NSD1: variants seen among roughly 807,000 people sequenced by gnomAD.
The protein encoded by NSD1 is nuclear receptor binding SET domain protein 1.
NSD1 carries 26 observed loss-of-function variants against 242.7 expected under a neutral mutation model. That is an observed-to-expected ratio of 0.11 (90% CI 0.08 to 0.15). NSD1 has a LOEUF of 0.15. Among genes scored for constraint, NSD1 ranks in the 10% least tolerant of loss-of-function variants. The probability of loss-of-function intolerance (pLI) is 1.00; values close to 1 mark genes in which losing one functional copy is unlikely to be tolerated. For missense variants in NSD1, 2,495 were observed against 3,272.8 expected, an observed-to-expected ratio of 0.76 and a Z score of 5.80; for synonymous variants, 1,106 against 1,178.1, an observed-to-expected ratio of 0.94 and a Z score of 1.25.
chr5:177,146,568 T>A (rs1757264289), intron 2 of NSD1, among the ~76,000 whole-genome samples: 1 of 152,208 alleles, frequency 6.6e-6, no homozygotes, highest in Non-Finnish European at 1.5e-5. Flanking sequence ...TTAAATTTTA[T>A]CTTTTTCCTT....
At chr5:177,156,174 ATT>A (rs34417228) in intron 2 of NSD1, among the ~76,000 whole-genome samples, 36 of 77,998 alleles carry the variant, frequency 4.6e-4, no homozygotes, top group East Asian at 8.7e-4. Flanking sequence ...CTCTTTTCAG[ATT>A]TTTTTTTTTT....
chr5:177,144,821 T>C (rs903161242), intron 2 of NSD1, among the ~76,000 whole-genome samples: 12 of 152,060 alleles, frequency 7.9e-5, no homozygotes, highest in African/African-American at 2.9e-4. Context: ...GTGGTTCACA[T>C]CTATAATCCC....
rs1368303712 is a variant in NSD1, at chr5:177,296,335, GCTTCT to G, written c.*880_*884del. 1 of 233,406 alleles carries G rather than the reference GCTTCT, an allele frequency of 4.3e-6. No homozygotes were observed. Among genetic ancestry groups the G allele is most frequent in the Non-Finnish European group, 8.5e-6 (1 of 118,232 alleles). 14.5% of individuals were successfully genotyped at this position (233,406 alleles called of 1,614,324 possible). On this transcript the variant is annotated 3_prime_UTR_variant, in exon 23 of 23. Coordinates refer to ENST00000439151, the MANE Select transcript of NSD1 (RefSeq NM_022455.5). ...AGCAGTGGAAGAAGGCATTTGGCAA[GCTTCT>G]CTTTCTTTGCTTTTGTTTCTACCTA...
chr5:177,196,180 T>C (rs1762090670), intron 3 of NSD1, among the ~76,000 whole-genome samples: 1 of 152,174 alleles, frequency 6.6e-6, no homozygotes, highest in Admixed American at 6.6e-5. Context: ...TGGCACAGTA[T>C]GAGGCTGGGA....
At chr5:177,225,091 T>G (rs563247070) in intron 5 of NSD1, among the ~76,000 whole-genome samples, 1 of 152,302 alleles carries the variant, frequency 6.6e-6, no homozygotes, top group African/African-American at 2.4e-5. Flanking sequence ...GATATTGGTC[T>G]ACAGTTTTCC....
At chr5:177,262,499 C>T (rs1757071291) in intron 14 of NSD1, among the ~76,000 whole-genome samples, 1 of 152,066 alleles carries the variant, frequency 6.6e-6, no homozygotes, top group Non-Finnish European at 1.5e-5. Context: ...AAAATAAATC[C>T]CAGGAGGCCC....
At position 177,282,552 on chromosome 5, in the gene NSD1, A is replaced by C; in HGVS notation, c.5980A>C (p.Thr1994Pro). ...RIRYAQEHDI[T>P]NFYMLTLDKD... ...TCGCTATGCTCAAGAACATGATATC[A>C]CTAATTTCTATATGCTCACCCTAGA... is the stretch of plus-strand genomic sequence containing the variant. The change falls in exon 19 of 23, where the codon ACT becomes CCT. Residue 1994 changes from threonine (T) to proline (P), a missense_variant. Coordinates refer to ENST00000439151, the MANE Select transcript of NSD1 (RefSeq NM_022455.5). 3 of 1,611,604 alleles carry C rather than the reference A, an allele frequency of 1.9e-6. No homozygotes were observed. The highest frequency in any genetic ancestry group is 2.5e-6 in the Non-Finnish European group (3 of 1,177,688).
intron 5 of NSD1, among the ~76,000 whole-genome samples, chr5:177,213,813 A>G (rs1195107250): frequency 1.3e-5 from 2 of 152,152 alleles, no homozygotes; most frequent in African/African-American, 2.4e-5. Context: ...TCTATTGTGT[A>G]CATTTCATAG....
intron 5 of NSD1, among the ~76,000 whole-genome samples, chr5:177,229,094 C>G (rs956081182): frequency 6.6e-6 from 1 of 151,684 alleles, no homozygotes; most frequent in African/African-American, 2.4e-5. Flanking sequence ...AAAAAAAAAA[C>G]TTACCATCTG....
Position 177,135,775 on chromosome 5 carries a change from G to A in NSD1, c.672G>A (p.Ser224=), listed in dbSNP as rs1320622588. 11 of 1,612,798 alleles carry A rather than the reference G, an allele frequency of 6.8e-6. No homozygotes were observed. The highest frequency in any genetic ancestry group is 9.3e-6 in the Non-Finnish European group (11 of 1,178,880). The change falls in exon 2 of 23, where the codon TCG becomes TCA. Residue 224 remains serine, a synonymous_variant. Coordinates refer to ENST00000439151, the MANE Select transcript of NSD1 (RefSeq NM_022455.5). ...TPESRHGAVK[S]PFLPLAPQTE... is the part of the protein sequence containing the mutation. Reference sequence around the variant, plus strand: ...AGAGTAGACACGGTGCAGTCAAATCGCCATTCTTGCCATTAGCTCCTCAGA... The same window carrying A: ...AGAGTAGACACGGTGCAGTCAAATCACCATTCTTGCCATTAGCTCCTCAGA...
At chr5:177,183,468 G>T (rs1044381706) in intron 2 of NSD1, among the ~76,000 whole-genome samples, 1 of 151,958 alleles carries the variant, frequency 6.6e-6, no homozygotes, top group African/African-American at 2.4e-5. Flanking sequence ...GCATCATATG[G>T]TCATTCTGTG....
At chr5:177,276,291 G>A (rs1758373692) in intron 17 of NSD1, among the ~76,000 whole-genome samples, 1 of 151,782 alleles carries the variant, frequency 6.6e-6, no homozygotes, top group African/African-American at 2.4e-5. Context: ...CCTCTAAAAA[G>A]GGATAAAAGT....
intron 2 of NSD1, chr5:177,136,247 C>G (rs548526422): frequency 2.0e-6 from 1 of 506,974 alleles, no homozygotes; most frequent in African/African-American, 1.9e-5. Flanking sequence ...AATAACTCTT[C>G]ATTGAGAGTA....
chr5:177,146,319 C>G (rs1757241914), intron 2 of NSD1, among the ~76,000 whole-genome samples: 1 of 151,134 alleles, frequency 6.6e-6, no homozygotes, highest in African/African-American at 2.4e-5. Flanking sequence ...AATTCTCCTG[C>G]CTCAGCCTCC....
intron 2 of NSD1, among the ~76,000 whole-genome samples, chr5:177,138,490 A>T (rs552781816): frequency 6.6e-6 from 1 of 152,256 alleles, no homozygotes; most frequent in South Asian, 2.1e-4. Context: ...TCCTGACCTC[A>T]GGTGATCCGC....
intron 2 of NSD1, among the ~76,000 whole-genome samples, chr5:177,144,742 A>G (rs943077343): frequency 1.5e-4 from 23 of 152,278 alleles, no homozygotes; most frequent in South Asian, 8.3e-4. Context: ...AATAATCTCA[A>G]TTGTAGCCTT....
In NSD1 at chr5:177,204,229, A is replaced by G. The variant is rs146581653; in HGVS notation, c.1173A>G (p.Gln391=). ...TCGTCATGTTTGAAGGCAGACATCA[A>G]TTCGAAGAGCTACCTGTCCTTAGGA... ...KAIVMFEGRH[Q]FEELPVLRRR... is the part of the protein sequence containing the mutation. Residue 391 remains glutamine (Q), a synonymous_variant, in exon 4 of 23, where the codon CAA becomes CAG. Coordinates refer to ENST00000439151, the MANE Select transcript of NSD1 (RefSeq NM_022455.5). 7.4e-6 allele frequency: 12 copies of G among 1,614,104 alleles called. No homozygotes were observed. Among genetic ancestry groups the G allele is most frequent in the African/African-American group, 5.3e-5 (4 of 74,942 alleles).
intron 2 of NSD1, among the ~76,000 whole-genome samples, chr5:177,141,609 T>C (rs1756831674): frequency 6.6e-6 from 1 of 151,680 alleles, no homozygotes; most frequent in Non-Finnish European, 1.5e-5. Context: ...GAATTACAGG[T>C]GTGAGCCACC....
At position 177,212,009 on chromosome 5, in the gene NSD1, C is replaced by A. The variant is rs1468315814; in HGVS notation, c.3610C>A (p.Pro1204Thr). The A allele has an allele frequency of 1.9e-6, 3 of 1,614,002 alleles. No individual in the cohort carries two copies. The African/African-American group carries it at 4.0e-5, about 22-fold the overall frequency. The part of the protein sequence containing the change: ...DPVQEGRDEF[P>T]EHRTPSASIL... ...TGTGCAGGAGGGGCGGGATGAGTTT[C>A]CAGAGCATAGAACTCCTTCAGCAAG... The change falls in exon 5 of 23, where the codon CCA (proline) becomes ACA (threonine). Residue 1204 changes from proline to threonine, a missense_variant. Pro to Thr is a conservative substitution (Grantham distance 38). This residue lies in a region of NSD1 where 426 missense variants were observed against 411.4 expected (regional missense o/e 1.04). Coordinates refer to ENST00000439151, the MANE Select transcript of NSD1 (RefSeq NM_022455.5).
Sources: gnomAD v4.1 joint callset for allele counts (sites outside exome capture counted in the v4.1 genomes callset) on GRCh38, gnomAD v4.1.1 for gene constraint, gnomAD v4.1.1 regional missense constraint, MANE v1.5 for transcripts, NCBI Gene and HGNC (gene_info 2026-07-23, HGNC 2026-07-21) for gene names.